Variants in WDFY3 observed in about 807,000 individuals in gnomAD.
The protein encoded by WDFY3 is WD repeat and FYVE domain containing 3, also known as WD repeat and FYVE domain-containing protein 3.
In WDFY3, 66 loss-of-function variants were observed where a neutral mutation model predicts 409.6. The observed-to-expected ratio is 0.16, with a 90% CI of 0.13 to 0.20. The LOEUF (loss-of-function observed/expected upper bound fraction) is 0.20. Ranked by LOEUF, WDFY3 falls within the 10% of genes least tolerant of loss-of-function variation. The pLI, the probability that WDFY3 is intolerant of heterozygous loss-of-function variation, is 1.00. For synonymous variants in WDFY3, 1,521 were observed against 1,537.1 expected (o/e 0.99, Z 0.25); for missense variants, 3,031 against 4,298.1 (o/e 0.71, Z 8.24).
intron 56 of WDFY3, among the ~76,000 whole-genome samples, chr4:84,701,811 C>T (rs1008985820): frequency 6.6e-6 from 1 of 152,138 alleles, no homozygotes; most frequent in Non-Finnish European, 1.5e-5. Flanking sequence ...TAAAGTTATT[C>T]TGAAGTTCTA....
intron 30 of WDFY3, among the ~76,000 whole-genome samples, chr4:84,766,662 T>A (rs976031757): frequency 1.9e-4 from 29 of 152,234 alleles, no homozygotes; most frequent in African/African-American, 6.5e-4. Context: ...AGTCATCAAA[T>A]GAGGACCATG....
At chr4:84,729,683 G>A (rs1383477596) in intron 44 of WDFY3, among the ~76,000 whole-genome samples, 12 of 24,646 alleles carry the variant, frequency 4.9e-4, no homozygotes, top group Non-Finnish European at 7.4e-4. Context: ...AAACTTTAAT[G>A]AGTAAAAAAA....
chr4:84,917,203 A>C (rs952008450), intron 2 of WDFY3, among the ~76,000 whole-genome samples: 1 of 152,110 alleles, frequency 6.6e-6, no homozygotes, highest in Non-Finnish European at 1.5e-5. Flanking sequence ...TCTTTTTTCT[A>C]TAAACTTCAG....
chr4:84,804,222 TG>T (rs1161955772), intron 15 of WDFY3: 2 of 152,228 alleles, frequency 1.3e-5, no homozygotes, highest in Non-Finnish European at 2.9e-5. Flanking sequence ...TCATGAATTT[TG>T]CACATTTTGC....
At chr4:84,774,361 T>C (rs1745194538) in intron 29 of WDFY3, among the ~76,000 whole-genome samples, 1 of 152,228 alleles carries the variant, frequency 6.6e-6, no homozygotes, top group Non-Finnish European at 1.5e-5. Context: ...AAATAATACT[T>C]ATATCATACA....
intron 64 of WDFY3, among the ~76,000 whole-genome samples, chr4:84,681,930 T>A (rs1727423884): frequency 6.6e-6 from 1 of 152,236 alleles, no homozygotes; most frequent in Non-Finnish European, 1.5e-5. Context: ...AGTCTGACTG[T>A]GGACTCTGGT....
intron 8 of WDFY3, 121 bp from the exon 9 acceptor site, chr4:84,829,311 G>T: frequency 1.2e-6 from 1 of 815,444 alleles, no homozygotes; most frequent in Non-Finnish European, 1.8e-6. Context: ...AATACTATGA[G>T]ATAAATGTAA....
chr4:84,739,218 A>G, intron 39 of WDFY3, 99 bp from the exon 40 acceptor site: 1 of 1,186,346 alleles, frequency 8.4e-7, no homozygotes, highest in Non-Finnish European at 1.2e-6. Context: ...GCAGACACTG[A>G]ATGTCTACTC....
chr4:84,886,482 T>C (rs1318910851), intron 3 of WDFY3: 1 of 152,114 alleles, frequency 6.6e-6, no homozygotes, highest in Non-Finnish European at 1.5e-5. Flanking sequence ...TTGAACCATG[T>C]TTAAATCAGA....
intron 1 of WDFY3, among the ~76,000 whole-genome samples, chr4:84,933,887 A>G (rs912030352): frequency 6.6e-6 from 1 of 152,138 alleles, no homozygotes; most frequent in Non-Finnish European, 1.5e-5. Flanking sequence ...ATAGTATTCC[A>G]ATGTGTATAT....
chr4:84,680,121 C>T (rs1202968637), intron 64 of WDFY3, among the ~76,000 whole-genome samples: 2 of 152,034 alleles, frequency 1.3e-5, no homozygotes, highest in African/African-American at 4.8e-5. Context: ...GAACTCCTGA[C>T]CTCATGATCC....
chr4:84,739,288 CA>C, intron 39 of WDFY3, 169 bp from the exon 40 acceptor site: 1 of 590,694 alleles, frequency 1.7e-6, no homozygotes, highest in South Asian at 2.2e-5. Context: ...AAGAGGTGAT[CA>C]AATAAATCCA....
At chr4:84,806,657 A>T (rs1751556824) in intron 15 of WDFY3, among the ~76,000 whole-genome samples, 1 of 152,172 alleles carries the variant, frequency 6.6e-6, no homozygotes, top group Admixed American at 6.5e-5. Flanking sequence ...TCTAGGCTGG[A>T]GTGCAGTGCG....
At chr4:84,772,986 C>A in intron 29 of WDFY3, 57 bp from the exon 30 acceptor site, 3 of 1,332,652 alleles carry the variant, frequency 2.3e-6, no homozygotes, top group South Asian at 2.9e-5. Context: ...CCAAAACAAA[C>A]AACAAAGTAC....
chr4:84,697,225 A>G (rs1163950309), intron 56 of WDFY3, among the ~76,000 whole-genome samples: 1 of 152,234 alleles, frequency 6.6e-6, no homozygotes, highest in African/African-American at 2.4e-5. Context: ...CTTTTCAGCA[A>G]AACATTTTGC....
chr4:84,811,074 T>C (rs1046655071), intron 13 of WDFY3, among the ~76,000 whole-genome samples: 9 of 152,208 alleles, frequency 5.9e-5, no homozygotes, highest in African/African-American at 1.7e-4. Flanking sequence ...CTTGGCTCAC[T>C]GCAACCTCTA....
chr4:84,750,082 T>A (rs1470019496), intron 36 of WDFY3, among the ~76,000 whole-genome samples: 1 of 152,242 alleles, frequency 6.6e-6, no homozygotes, highest in African/African-American at 2.4e-5. Flanking sequence ...TGATCAGTTA[T>A]GCTTTCTTGC....
intron 1 of WDFY3, among the ~76,000 whole-genome samples, chr4:84,960,334 C>G: frequency 6.6e-6 from 1 of 152,124 alleles, no homozygotes. Flanking sequence ...GAGTTCCATG[C>G]CCACCCCACC....
At chr4:84,841,462 C>T (rs1370089051) in intron 5 of WDFY3, among the ~76,000 whole-genome samples, 199 bp from the exon 6 acceptor site, 1 of 152,026 alleles carries the variant, frequency 6.6e-6, no homozygotes, top group East Asian at 1.9e-4. Flanking sequence ...AATGTAAAAG[C>T]CAACCTATAT....
Sources: gnomAD v4.1 joint callset for allele counts (sites outside exome capture counted in the v4.1 genomes callset) on GRCh38, gnomAD v4.1.1 for gene constraint, MANE v1.5 for transcripts, NCBI Gene and HGNC (gene_info 2026-07-23, HGNC 2026-07-21) for gene names.